The following TMEM203 variants were observed in gnomAD, a reference collection of about 807,000 sequenced individuals.
TMEM203 encodes the protein HBeAg-binding protein 1.
TMEM203 carries 4 observed loss-of-function variants against 7.9 expected under a neutral mutation model. The ratio of observed to expected loss-of-function variants is 0.51; its 90% CI spans 0.25 to 1.16. The LOEUF (loss-of-function observed/expected upper bound fraction) is 1.16, where lower values mean the gene tolerates loss of function less well. TMEM203 is among the 50% of genes most tolerant of loss of function. TMEM203 has a pLI of 0.15. For missense variants in TMEM203, 127 were observed against 174.4 expected (o/e 0.73, Z 1.53); for synonymous variants, 92 against 82.5 (o/e 1.11, Z -0.62).
rs1834906975 is a variant in TMEM203, at chr9:137,205,461, C to T, written c.-47G>A. ...GGGGCCCGGCCGAGCGTGCCACCCG[C>T]GGGGCTGCGTCTCCTCTCCCCGTGG... On this transcript the variant is annotated 5_prime_UTR_variant, in exon 1 of 1. Coordinates refer to ENST00000343666, the MANE Select transcript of TMEM203 (RefSeq NM_053045.2). The T allele has an allele frequency of 1.4e-6, 2 of 1,449,792 alleles. No individual in the cohort carries two copies. Among genetic ancestry groups the T allele is most frequent in the South Asian group, 2.8e-5 (2 of 70,326 alleles). 89.8% of individuals were successfully genotyped at this position (1,449,792 alleles called of 1,614,324 possible).
chr9:137,204,859 A>G lies in TMEM203; in HGVS notation c.*145T>C, dbSNP rs530709918. 9 of 1,085,814 alleles carry G rather than the reference A, an allele frequency of 8.3e-6. No individual in the cohort carries two copies. The African/African-American group carries it at 9.5e-5, about 12-fold the overall frequency. The allele number at this position is 1,085,814 out of a possible 1,614,324, so 67.3% of individuals were successfully genotyped here. On this transcript the variant is annotated 3_prime_UTR_variant, in exon 1 of 1. Coordinates refer to ENST00000343666, the MANE Select transcript of TMEM203 (RefSeq NM_053045.2). ...AGAAACCATTTCAAACAGGATTGGA[A>G]TAGGGAAACCCGGCACTCAGCTCGG...
Position 137,205,156 on chromosome 9 carries a change from C to T in TMEM203, c.259G>A (p.Val87Ile). ...AACTTGAGACTCAGGACCGTAAGTA[C>T]CCAGAAAAGGCGGAGCACCGCCAGC... Reference protein sequence around the residue: ...KRLAVLRLFWVLTVLSLKFVF... With the variant: ...KRLAVLRLFWILTVLSLKFVF... Residue 87 changes from valine to isoleucine, a missense_variant, in exon 1 of 1, where the codon GTA becomes ATA. Val to Ile is a conservative substitution (Grantham distance 29). Coordinates refer to ENST00000343666, the MANE Select transcript of TMEM203 (RefSeq NM_053045.2). 6.2e-7 allele frequency: 1 copy of T among 1,612,838 alleles called. No individual in the cohort carries two copies. The highest frequency in any genetic ancestry group is 8.5e-7 in the Non-Finnish European group (1 of 1,179,988).
chr9:137,204,919 C>T lies in TMEM203; in HGVS notation c.*85G>A. 1 of 1,497,164 alleles carries T rather than the reference C, an allele frequency of 6.7e-7. No individual in the cohort carries two copies. The highest frequency in any genetic ancestry group is 1.3e-5 in the South Asian group (1 of 75,226). The allele number at this position is 1,497,164 out of a possible 1,614,324, so 92.7% of individuals were successfully genotyped here. A position where few individuals can be genotyped will look rare whatever the true frequency, so the allele number is the denominator to read the frequency against. On this transcript the variant is annotated 3_prime_UTR_variant, in exon 1 of 1. Coordinates refer to ENST00000343666, the MANE Select transcript of TMEM203 (RefSeq NM_053045.2). ...GCGGTGCCTTCAGACTAGAGAGCCTCTCCTCCGGTGCGCTGCAAGTAGGGC... is the reference window on the plus strand; with the variant it reads ...GCGGTGCCTTCAGACTAGAGAGCCTTTCCTCCGGTGCGCTGCAAGTAGGGC...
chr9:137,205,193 A>G lies in TMEM203; in HGVS notation c.222T>C (p.Asp74=). The G allele has an allele frequency of 6.2e-7, 1 of 1,612,680 alleles. No homozygotes were observed. Among genetic ancestry groups the G allele is most frequent in the Non-Finnish European group, 8.5e-7 (1 of 1,179,890 alleles). Residue 74 remains aspartate, a synonymous_variant, in exon 1 of 1, where the codon GAT becomes GAC. Transcript: ENST00000343666. ...TTIVSVRLFQ[D]GEKRLAVLRL... is the part of the protein sequence containing the mutation. Reference sequence around the variant, plus strand: ...GGAGCACCGCCAGCCGCTTCTCTCCATCCTGGAAGAGGCGCACGGACACGA... The same window carrying G: ...GGAGCACCGCCAGCCGCTTCTCTCCGTCCTGGAAGAGGCGCACGGACACGA...
Position 137,204,862 on chromosome 9 carries a change from G to A in TMEM203, c.*142C>T, listed in dbSNP as rs916258613. ...AACCATTTCAAACAGGATTGGAATA[G>A]GGAAACCCGGCACTCAGCTCGGCGC... On this transcript the variant is annotated 3_prime_UTR_variant, in exon 1 of 1. Coordinates refer to ENST00000343666, the MANE Select transcript of TMEM203 (RefSeq NM_053045.2). 9 of 1,129,410 alleles carry A rather than the reference G, an allele frequency of 8.0e-6. No individual in the cohort carries two copies. Among genetic ancestry groups the A allele is most frequent in the Middle Eastern group, 2.9e-4 (1 of 3,404 alleles). The allele number at this position is 1,129,410 out of a possible 1,614,324, so 70.0% of individuals were successfully genotyped here.
rs1834898998 is a variant in TMEM203 at position 137,205,219 on chromosome 9, T to C, written c.196A>G (p.Ile66Val). 1 of 1,612,240 alleles carries C rather than the reference T, an allele frequency of 6.2e-7. No homozygotes were observed. The highest frequency in any genetic ancestry group is 8.5e-7 in the Non-Finnish European group (1 of 1,179,706). Residue 66 changes from isoleucine (I) to valine (V), a missense_variant, in exon 1 of 1, where the codon ATC (isoleucine) becomes GTC (valine). Physicochemically the swap from Ile to Val is conservative, Grantham distance 29. Transcript: ENST00000343666. ...ADGLSTYFTT[I>V]VSVRLFQDGE... is the part of the protein sequence containing the mutation. Reference sequence around the variant, plus strand: ...TCCTGGAAGAGGCGCACGGACACGATGGTGGTGAAGTAGGTGCTGAGCCCG... The same window carrying C: ...TCCTGGAAGAGGCGCACGGACACGACGGTGGTGAAGTAGGTGCTGAGCCCG...
Position 137,205,098 on chromosome 9 carries a change from G to T in TMEM203, c.317C>A (p.Ala106Glu), listed in dbSNP as rs770677491. Reference protein sequence around the residue: ...VFEMLLCQKLAEQTRELWFGL... With the variant: ...VFEMLLCQKLEEQTRELWFGL... ...GAACCAGAGCTCCCGAGTCTGCTCC[G>T]CCAGCTTCTGGCACAACAGCATCTC... Residue 106 changes from alanine (A) to glutamate (E), a missense_variant, in exon 1 of 1, where the codon GCG becomes GAG. By Grantham distance (107) the Ala-to-Glu change is moderately radical (BLOSUM62 -1). Coordinates refer to ENST00000343666, the MANE Select transcript of TMEM203 (RefSeq NM_053045.2). 22 of 1,612,804 alleles carry T rather than the reference G, an allele frequency of 1.4e-5. No homozygotes were observed. The East Asian group carries it at 4.5e-4, about 33-fold the overall frequency.
Position 137,205,280 on chromosome 9 carries a change from G to A in TMEM203, c.135C>T (p.Ser45=), listed in dbSNP as rs775502038. The change falls in exon 1 of 1, where the codon TCC becomes TCT. Residue 45 remains serine (S), a synonymous_variant. Coordinates refer to ENST00000343666, the MANE Select transcript of TMEM203 (RefSeq NM_053045.2). ...LRVDGLVPGL[S]WWNVFVPFFA... ...AGAAAGGCACGAACACGTTCCACCA[G>A]GAGAGGCCCGGGACCAGGCCATCCA... 1.2e-6 allele frequency: 2 copies of A among 1,611,180 alleles called. No homozygotes were observed. Among genetic ancestry groups the A allele is most frequent in the Admixed American group, 1.7e-5 (1 of 59,716 alleles).
At position 137,205,102 on chromosome 9, in the gene TMEM203, G is replaced by T; in HGVS notation, c.313C>A (p.Leu105Met). The part of the protein sequence containing the change: ...FVFEMLLCQK[L>M]AEQTRELWFG... ...CAGAGCTCCCGAGTCTGCTCCGCCA[G>T]CTTCTGGCACAACAGCATCTCGAAG... is the stretch of plus-strand genomic sequence containing the variant. Residue 105 changes from leucine to methionine, a missense_variant, in exon 1 of 1, where the codon CTG becomes ATG. Transcript: ENST00000343666. 6.2e-7 allele frequency: 1 copy of T among 1,612,988 alleles called. No individual in the cohort carries two copies. Among genetic ancestry groups the T allele is most frequent in the African/African-American group, 1.3e-5 (1 of 75,076 alleles).
rs1834888442 is a variant in TMEM203 at position 137,204,870 on chromosome 9, C to G, written c.*134G>C. On this transcript the variant is annotated 3_prime_UTR_variant, in exon 1 of 1. Transcript: ENST00000343666. ...CAAACAGGATTGGAATAGGGAAACC[C>G]GGCACTCAGCTCGGCGCAAGCCGGC... 2 of 1,224,690 alleles carry G rather than the reference C, an allele frequency of 1.6e-6. No individual in the cohort carries two copies. The highest frequency in any genetic ancestry group is 2.6e-5 in the East Asian group (1 of 39,102). 75.9% of individuals were successfully genotyped at this position (1,224,690 alleles called of 1,614,324 possible).
Position 137,205,637 on chromosome 9 carries a change from C to T in TMEM203, c.-223G>A. Reference sequence around the variant, plus strand: ...CGTGAACGCCCGCCTCGATCGGACGCCATGCCCCCACAGGGCGCGTCCCTA... The same window carrying T: ...CGTGAACGCCCGCCTCGATCGGACGTCATGCCCCCACAGGGCGCGTCCCTA... On this transcript the variant is annotated 5_prime_UTR_variant, in exon 1 of 1. Coordinates refer to ENST00000343666, the MANE Select transcript of TMEM203 (RefSeq NM_053045.2). 7.0e-7 allele frequency: 1 copy of T among 1,422,912 alleles called. No individual in the cohort carries two copies. Among genetic ancestry groups the T allele is most frequent in the African/African-American group, 1.4e-5 (1 of 69,740 alleles). 88.1% of individuals were successfully genotyped at this position (1,422,912 alleles called of 1,614,324 possible).
Position 137,205,082 on chromosome 9 carries a change from C to A in TMEM203, c.333G>T (p.Glu111Asp). The part of the protein sequence containing the change: ...LCQKLAEQTR[E>D]LWFGLITSPL... Reference sequence around the variant, plus strand: ...GGGACGTAATGAGGCCGAACCAGAGCTCCCGAGTCTGCTCCGCCAGCTTCT... The same window carrying A: ...GGGACGTAATGAGGCCGAACCAGAGATCCCGAGTCTGCTCCGCCAGCTTCT... The change falls in exon 1 of 1, where the codon GAG becomes GAT. Residue 111 changes from glutamate to aspartate, a missense_variant. Glu to Asp is a conservative substitution (Grantham distance 45). Transcript: ENST00000343666. 6.2e-7 allele frequency: 1 copy of A among 1,612,938 alleles called. No individual in the cohort carries two copies. The highest frequency in any genetic ancestry group is 1.1e-5 in the South Asian group (1 of 91,086).
At position 137,205,010 on chromosome 9, in the gene TMEM203, G is replaced by C. The variant is rs558990674; in HGVS notation, c.405C>G (p.Val135=). The change falls in exon 1 of 1, where the codon GTC becomes GTG. Residue 135 remains valine (V), a synonymous_variant. Coordinates refer to ENST00000343666, the MANE Select transcript of TMEM203 (RefSeq NM_053045.2). ...CTCCGGCACCTCGGTGAGGCTAGTTGACCCGACAGGCGCGGATCATGAGCA... is the reference window on the plus strand; with the variant it reads ...CTCCGGCACCTCGGTGAGGCTAGTTCACCCGACAGGCGCGGATCATGAGCA... ...LQLLMIRACR[V]N is the part of the protein sequence containing the mutation. 1.9e-6 allele frequency: 3 copies of C among 1,605,096 alleles called. 1 individual carries two copies. The highest frequency in any genetic ancestry group is 3.3e-4 in the Middle Eastern group (2 of 6,044).
chr9:137,205,147 C>G lies in TMEM203; in HGVS notation c.268G>C (p.Val90Leu), dbSNP rs1457232736. ...TCGAAGACGAACTTGAGACTCAGGA[C>G]CGTAAGTACCCAGAAAAGGCGGAGC... is the stretch of plus-strand genomic sequence containing the variant. ...AVLRLFWVLT[V>L]LSLKFVFEML... Residue 90 changes from valine to leucine, a missense_variant, in exon 1 of 1, where the codon GTC becomes CTC. Val to Leu is a conservative substitution (Grantham distance 32). Transcript: ENST00000343666. 1 of 1,612,866 alleles carries G rather than the reference C, an allele frequency of 6.2e-7. No homozygotes were observed. Among genetic ancestry groups the G allele is most frequent in the Admixed American group, 1.7e-5 (1 of 60,020 alleles).
Position 137,204,929 on chromosome 9 carries a change from G to A in TMEM203, c.*75C>T. On this transcript the variant is annotated 3_prime_UTR_variant, in exon 1 of 1. Transcript: ENST00000343666. Reference sequence around the variant, plus strand: ...CAGACTAGAGAGCCTCTCCTCCGGTGCGCTGCAAGTAGGGCCTCGGCTCGA... The same window carrying A: ...CAGACTAGAGAGCCTCTCCTCCGGTACGCTGCAAGTAGGGCCTCGGCTCGA... The A allele has an allele frequency of 6.6e-7, 1 of 1,518,132 alleles. No homozygotes were observed. Among genetic ancestry groups the A allele is most frequent in the Non-Finnish European group, 8.8e-7 (1 of 1,130,768 alleles). The allele number at this position is 1,518,132 out of a possible 1,614,324, so 94.0% of individuals were successfully genotyped here. A position where few individuals can be genotyped will look rare whatever the true frequency, so the allele number is the denominator to read the frequency against.
Position 137,204,411 on chromosome 9 carries a change from A to C in TMEM203, c.*593T>G, listed in dbSNP as rs1395689969. 2.6e-5 allele frequency: 4 copies of C among 152,590 alleles called. No homozygotes were observed. Among genetic ancestry groups the C allele is most frequent in the Non-Finnish European group, 5.9e-5 (4 of 68,284 alleles). The allele number at this position is 152,590 out of a possible 1,614,324, so 9.5% of individuals were successfully genotyped here. A position where few individuals can be genotyped will look rare whatever the true frequency, so the allele number is the denominator to read the frequency against. On this transcript the variant is annotated 3_prime_UTR_variant, in exon 1 of 1. Transcript: ENST00000343666. ...CAACAGATAACCAGACAGGACTCTA[A>C]TCGTGCTCTTATTCAACATTCTTCT...
Position 137,205,485 on chromosome 9 carries a change from G to T in TMEM203, c.-71C>A. On this transcript the variant is annotated 5_prime_UTR_variant, in exon 1 of 1. Coordinates refer to ENST00000343666, the MANE Select transcript of TMEM203 (RefSeq NM_053045.2). Reference sequence around the variant, plus strand: ...GCGGGGCTGCGTCTCCTCTCCCCGTGGCCCTCGCCCGCGCCTGCCGCCGCT... The same window carrying T: ...GCGGGGCTGCGTCTCCTCTCCCCGTTGCCCTCGCCCGCGCCTGCCGCCGCT... 1 of 1,346,728 alleles carries T rather than the reference G, an allele frequency of 7.4e-7. No individual in the cohort carries two copies. The highest frequency in any genetic ancestry group is 1.9e-5 in the South Asian group (1 of 53,042). 83.4% of individuals were successfully genotyped at this position (1,346,728 alleles called of 1,614,324 possible). A position where few individuals can be genotyped will look rare whatever the true frequency, so the allele number is the denominator to read the frequency against.
At position 137,205,627 on chromosome 9, in the gene TMEM203, C is replaced by G. The variant is rs1409252032; in HGVS notation, c.-213G>C. On this transcript the variant is annotated 5_prime_UTR_variant, in exon 1 of 1. Transcript: ENST00000343666. ...CCTGGCCGCCCGTGAACGCCCGCCTCGATCGGACGCCATGCCCCCACAGGG... is the reference window on the plus strand; with the variant it reads ...CCTGGCCGCCCGTGAACGCCCGCCTGGATCGGACGCCATGCCCCCACAGGG... 1.7e-5 allele frequency: 23 copies of G among 1,376,170 alleles called. No homozygotes were observed. In the East Asian group the frequency reaches 3.1e-4, roughly 19 times the overall value. 85.2% of individuals were successfully genotyped at this position (1,376,170 alleles called of 1,614,324 possible).
rs2131358376 is a variant in TMEM203 at position 137,204,245 on chromosome 9, C to T, written c.*759G>A. ...ATGAGTATCTGACACCTGTTCCTCT[C>T]TTCAGTCTCTTAGGGAGGCTTAAAT... On this transcript the variant is annotated 3_prime_UTR_variant, in exon 1 of 1. Transcript: ENST00000343666. 1 of 152,322 alleles carries T rather than the reference C, an allele frequency of 6.6e-6. No homozygotes were observed. The highest frequency in any genetic ancestry group is 1.9e-4 in the East Asian group (1 of 5,186). The allele number at this position is 152,322 out of a possible 1,614,324, so 9.4% of individuals were successfully genotyped here.
Sources: allele counts gnomAD v4.1 joint callset, GRCh38; gene constraint gnomAD v4.1.1; transcripts MANE v1.5; gene names NCBI Gene and HGNC (gene_info 2026-07-23, HGNC 2026-07-21).